DYNC1I1: variants seen among roughly 807,000 people sequenced by gnomAD.
DYNC1I1 encodes the protein dynein cytoplasmic 1 intermediate chain 1.
A neutral mutation model predicts 86.6 loss-of-function variants in DYNC1I1; 43 were observed. That is an observed-to-expected ratio of 0.50 (90% CI 0.39 to 0.64). DYNC1I1 has a LOEUF of 0.64. Among genes scored for constraint, DYNC1I1 ranks in the 30% least tolerant of loss-of-function variants. The probability of loss-of-function intolerance (pLI) is 0.00; values close to 1 mark genes in which losing one functional copy is unlikely to be tolerated. For missense variants in DYNC1I1, 604 were observed against 788.8 expected, an observed-to-expected ratio of 0.77 and a Z score of 2.81; for synonymous variants, 262 against 283.7, an observed-to-expected ratio of 0.92 and a Z score of 0.77.
intron 16 of DYNC1I1, among the ~76,000 whole-genome samples, chr7:96,094,085 G>GT (rs1790926808): frequency 2.0e-5 from 3 of 152,068 alleles, no homozygotes; most frequent in Non-Finnish European, 4.4e-5. Flanking sequence ...TGTCAGTGAA[G>GT]TTTTTTTAAT....
chr7:96,011,991 A>C (rs1282816661), intron 10 of DYNC1I1, among the ~76,000 whole-genome samples: 1 of 152,214 alleles, frequency 6.6e-6, no homozygotes, highest in Non-Finnish European at 1.5e-5. Context: ...ACAATTGAAA[A>C]ACTTAAAAAA....
At chr7:95,990,818 C>T (rs1793710322) in intron 9 of DYNC1I1, among the ~76,000 whole-genome samples, 2 of 151,910 alleles carry the variant, frequency 1.3e-5, no homozygotes, top group Admixed American at 6.6e-5. Context: ...TCACTTGAGC[C>T]CAGGAGTTCA....
intron 6 of DYNC1I1, among the ~76,000 whole-genome samples, chr7:95,870,782 T>C (rs1790142431): frequency 1.3e-5 from 2 of 152,216 alleles, no homozygotes; most frequent in Non-Finnish European, 2.9e-5. Context: ...AAATACTTCC[T>C]AGAATTCAAA....
intron 1 of DYNC1I1, among the ~76,000 whole-genome samples, chr7:95,800,716 C>A (rs953111744): frequency 2.6e-5 from 4 of 152,132 alleles, no homozygotes; most frequent in Non-Finnish European, 5.9e-5. Flanking sequence ...CCACTTGATC[C>A]CTTGCCATTT....
intron 10 of DYNC1I1, among the ~76,000 whole-genome samples, chr7:95,997,583 TTGTGTGTGTGTGTGTG>T (rs34117329): frequency 2.1e-5 from 3 of 142,756 alleles, no homozygotes; most frequent in Admixed American, 7.1e-5. Context: ...AAGGGCATTC[TTGTGTGTGTGTGTGTG>T]TGTGTGTGTG....
intron 14 of DYNC1I1, among the ~76,000 whole-genome samples, chr7:96,067,004 A>G (rs1220988307): frequency 1.3e-5 from 2 of 152,232 alleles, no homozygotes; most frequent in Non-Finnish European, 2.9e-5. Flanking sequence ...AACATCTCCT[A>G]AAATGACATC....
At chr7:95,976,610 T>C (rs533419142) in intron 6 of DYNC1I1, among the ~76,000 whole-genome samples, 98 of 152,324 alleles carry the variant, frequency 6.4e-4, no homozygotes, top group African/African-American at 2.2e-3. Flanking sequence ...TCATTTCTTT[T>C]CAACTCTCTT....
At chr7:96,053,561 G>A (rs1309830028) in intron 14 of DYNC1I1, among the ~76,000 whole-genome samples, 2 of 152,008 alleles carry the variant, frequency 1.3e-5, no homozygotes, top group African/African-American at 4.8e-5. Context: ...TTTCACACCT[G>A]CTCTCCAAAG....
intron 6 of DYNC1I1, among the ~76,000 whole-genome samples, chr7:95,964,702 A>C (rs912963812): frequency 6.6e-6 from 1 of 152,196 alleles, no homozygotes; most frequent in Non-Finnish European, 1.5e-5. Context: ...TGCAATTAAA[A>C]AACAAGTGAA....
intron 1 of DYNC1I1, among the ~76,000 whole-genome samples, chr7:95,791,977 G>A (rs1794315283): frequency 6.6e-6 from 1 of 152,192 alleles, no homozygotes; most frequent in Non-Finnish European, 1.5e-5. Flanking sequence ...ATAGAATGCT[G>A]AGTCAATTTA....
intron 6 of DYNC1I1, among the ~76,000 whole-genome samples, chr7:95,954,162 T>A (rs1167523678): frequency 6.6e-6 from 1 of 151,802 alleles, no homozygotes; most frequent in African/African-American, 2.4e-5. Context: ...AGCATTGTCA[T>A]TCTCAAAACA....
At chr7:96,107,945 A>G (rs540278169) in intron 16 of DYNC1I1, among the ~76,000 whole-genome samples, 114 of 144,966 alleles carry the variant, frequency 7.9e-4, no homozygotes, top group African/African-American at 2.7e-3. Context: ...ATTTCTGACT[A>G]AACCAACTAT....
intron 10 of DYNC1I1, among the ~76,000 whole-genome samples, chr7:96,000,845 G>C (rs556139473): frequency 1.0e-3 from 153 of 152,292 alleles, no homozygotes; most frequent in African/African-American, 3.4e-3. Flanking sequence ...TATTGTAGGT[G>C]ATTCCTCATC....
intron 16 of DYNC1I1, among the ~76,000 whole-genome samples, chr7:96,084,825 G>T: frequency 6.6e-6 from 1 of 152,124 alleles, no homozygotes; most frequent in East Asian, 1.9e-4. Flanking sequence ...CCGTACTGGA[G>T]ATCCCAATTC....
intron 1 of DYNC1I1, among the ~76,000 whole-genome samples, chr7:95,778,584 ATCTT>A (rs1385291179): frequency 4.6e-5 from 7 of 152,142 alleles, no homozygotes; most frequent in African/African-American, 1.7e-4. Flanking sequence ...GCTGTCTTTT[ATCTT>A]TCTTCTATTT....
At position 95,772,998 on chromosome 7, in the gene DYNC1I1, G is replaced by A. The variant is rs370714938; in HGVS notation, c.-10+225G>A. Among the ~76,000 whole-genome samples the A allele has an allele frequency of 4.5e-3, 690 of 152,282 alleles. 7 individuals carry two copies. Among genetic ancestry groups the A allele is most frequent in the African/African-American group, 0.016 (655 of 41,586 alleles). ...GACACCCCCCTCTCGGCAGAGCCGA[G>A]AGACTAGGGCAGAGAAGGAAGGGTC... On this transcript the variant is annotated intron_variant, in intron 1 of 16. Coordinates refer to ENST00000447467, the MANE Select transcript of DYNC1I1 (RefSeq NM_001135556.2).
At chr7:95,958,454 G>A (rs561900892) in intron 6 of DYNC1I1, among the ~76,000 whole-genome samples, 10 of 152,044 alleles carry the variant, frequency 6.6e-5, no homozygotes, top group South Asian at 2.1e-4. Context: ...ACATTGGCCC[G>A]GAAAGCTAAA....
intron 14 of DYNC1I1, among the ~76,000 whole-genome samples, chr7:96,053,171 C>A (rs185249666): frequency 1.3e-5 from 2 of 152,292 alleles, no homozygotes; most frequent in African/African-American, 2.4e-5. Flanking sequence ...CCGCCCAATT[C>A]ACTACATCTA....
chr7:95,865,636 T>C (rs1445378834), intron 5 of DYNC1I1, among the ~76,000 whole-genome samples: 2 of 152,232 alleles, frequency 1.3e-5, no homozygotes, highest in Admixed American at 6.5e-5. Flanking sequence ...ATGGTGGTCC[T>C]GTATGATTAT....
Sources: gnomAD v4.1 joint callset for allele counts (sites outside exome capture counted in the v4.1 genomes callset) on GRCh38, gnomAD v4.1.1 for gene constraint, MANE v1.5 for transcripts, NCBI Gene and HGNC (gene_info 2026-07-23, HGNC 2026-07-21) for gene names.